Variants in NRXN3 observed in about 807,000 individuals in gnomAD.
The protein encoded by NRXN3 is neurexin 3, also known as neurexin III.
A neutral mutation model predicts 137.6 loss-of-function variants in NRXN3; 32 were observed. The observed-to-expected ratio is 0.23, with a 90% CI of 0.18 to 0.31. The LOEUF is 0.31. Ranked by LOEUF, NRXN3 falls within the 10% of genes least tolerant of loss-of-function variation. The probability of loss-of-function intolerance (pLI) is 1.00; values close to 1 mark genes in which losing one functional copy is unlikely to be tolerated. For synonymous variants in NRXN3, 798 were observed against 784.5 expected (o/e 1.02, Z -0.29); for missense variants, 1,574 against 2,062.5 (o/e 0.76, Z 4.59).
At chr14:78,376,003 T>TACACACACACACACACAC (rs10623539) in intron 4 of NRXN3, among the ~76,000 whole-genome samples, 60 of 146,828 alleles carry the variant, frequency 4.1e-4, no homozygotes, top group Middle Eastern at 3.5e-3. Context: ...TCCTCCTTGA[T>TACACACACACACACACAC]ACACACACAC....
At chr14:79,633,142 T>C (rs2098373588) in intron 16 of NRXN3, 1 of 152,164 alleles carries the variant, frequency 6.6e-6, no homozygotes, top group Non-Finnish European at 1.5e-5. Flanking sequence ...GTACCTGCCT[T>C]CCCGTGGTAT....
intron 15 of NRXN3, among the ~76,000 whole-genome samples, chr14:79,458,483 G>A (rs1437548526): frequency 2.6e-5 from 4 of 152,240 alleles, no homozygotes; most frequent in South Asian, 4.1e-4. Context: ...GAATGGCAAC[G>A]TGAAGATATG....
intron 15 of NRXN3, among the ~76,000 whole-genome samples, chr14:79,458,689 C>T (rs150317267): frequency 1.3e-5 from 2 of 152,086 alleles, no homozygotes; most frequent in African/African-American, 4.8e-5. Context: ...GTGCAATTTC[C>T]TAGAACTTAT....
At chr14:79,138,542 C>A (rs1046963845) in intron 15 of NRXN3, among the ~76,000 whole-genome samples, 1 of 152,178 alleles carries the variant, frequency 6.6e-6, no homozygotes, top group Non-Finnish European at 1.5e-5. Flanking sequence ...TAGGGGATAG[C>A]AGAAGTGTGA....
In NRXN3 at chr14:78,191,281, G is replaced by A. The variant is rs115305588; in HGVS notation, c.-704+20607G>A. Among the ~76,000 whole-genome samples, 296 of 152,284 alleles carry A rather than the reference G, an allele frequency of 1.9e-3. 1 individual carries two copies. The highest frequency in any genetic ancestry group is 6.8e-3 in the African/African-American group (282 of 41,550). On this transcript the variant is annotated intron_variant, in intron 1 of 20. Coordinates refer to ENST00000335750, the MANE Select transcript of NRXN3 (RefSeq NM_001330195.2). ...CATTGCCTTCTCATGGTGATCTTGT[G>A]AGGTGGACTTCATGGGTTGCATTTT...
chr14:79,301,542 G>A (rs1279117192), intron 15 of NRXN3, among the ~76,000 whole-genome samples: 1 of 151,954 alleles, frequency 6.6e-6, no homozygotes, highest in Non-Finnish European at 1.5e-5. Context: ...GAACACAATG[G>A]TCCTTGTGTG....
At chr14:78,404,984 A>G (rs867334200) in intron 4 of NRXN3, among the ~76,000 whole-genome samples, 1 of 152,182 alleles carries the variant, frequency 6.6e-6, no homozygotes, top group African/African-American at 2.4e-5. Flanking sequence ...CAGGCAGCTT[A>G]TGGGACAAGT....
chr14:78,456,195 T>C (rs985868290), intron 4 of NRXN3, among the ~76,000 whole-genome samples: 1 of 152,170 alleles, frequency 6.6e-6, no homozygotes, highest in Non-Finnish European at 1.5e-5. Flanking sequence ...CCTACGACAG[T>C]TTTTACTTGT....
intron 19 of NRXN3, among the ~76,000 whole-genome samples, chr14:79,733,273 C>A (rs1603451928): frequency 1.3e-5 from 2 of 152,282 alleles, no homozygotes; most frequent in Middle Eastern, 6.8e-3. Context: ...AAAATAAAAT[C>A]TGCCTACCAT....
intron 15 of NRXN3, among the ~76,000 whole-genome samples, chr14:79,414,727 T>A (rs2095471645): frequency 1.3e-5 from 2 of 152,070 alleles, no homozygotes; most frequent in African/African-American, 4.8e-5. Context: ...TTAAGAATAT[T>A]TCAGGTTCAC....
chr14:79,576,674 G>A (rs1049479866), intron 16 of NRXN3, among the ~76,000 whole-genome samples: 15 of 151,940 alleles, frequency 9.9e-5, no homozygotes, highest in African/African-American at 7.3e-5. Flanking sequence ...ACCATGGATC[G>A]GATTCTGACT....
chr14:79,246,602 C>G (rs1403492022), intron 15 of NRXN3: 1 of 151,998 alleles, frequency 6.6e-6, no homozygotes, highest in Non-Finnish European at 1.5e-5. Flanking sequence ...ACATCATGGC[C>G]TTCTTTAAAT....
intron 2 of NRXN3, among the ~76,000 whole-genome samples, chr14:78,245,298 T>C (rs1263591141): frequency 6.6e-6 from 1 of 152,216 alleles, no homozygotes; most frequent in Non-Finnish European, 1.5e-5. Flanking sequence ...CACCCCAGGC[T>C]AATTAAATCA....
In NRXN3 at chr14:79,425,935, T is replaced by C. The variant is rs545003361; in HGVS notation, c.3263-41286T>C. ...AATTTGTATGTTCTGTAGAGGAAGA[T>C]TGAAAAGAGAAATGGATAGAAAGAG... is the stretch of plus-strand genomic sequence containing the variant. On this transcript the variant is annotated intron_variant, in intron 15 of 20. Coordinates refer to ENST00000335750, the MANE Select transcript of NRXN3 (RefSeq NM_001330195.2). 2.0e-3 allele frequency among the ~76,000 whole-genome samples: 302 copies of C among 151,138 alleles called. 8 individuals carry two copies. Among genetic ancestry groups the C allele is most frequent in the Middle Eastern group, 3.4e-3 (1 of 294 alleles).
chr14:78,969,245 T>G (rs2099429577), intron 14 of NRXN3, among the ~76,000 whole-genome samples: 1 of 152,202 alleles, frequency 6.6e-6, no homozygotes, highest in Non-Finnish European at 1.5e-5. Context: ...CTTGAGATAC[T>G]AAATGAATTT....
At chr14:79,615,540 T>G (rs1176880671) in intron 16 of NRXN3, among the ~76,000 whole-genome samples, 3 of 152,188 alleles carry the variant, frequency 2.0e-5, no homozygotes, top group African/African-American at 7.2e-5. Flanking sequence ...TGTCCAAGAC[T>G]GGGTAATTTA....
At chr14:78,293,581 C>A (rs2153520885) in intron 3 of NRXN3, among the ~76,000 whole-genome samples, 1 of 152,282 alleles carries the variant, frequency 6.6e-6, no homozygotes, top group East Asian at 1.9e-4. Flanking sequence ...TTCCCACTGC[C>A]ATGATACTAA....
At chr14:78,787,969 C>T (rs2098794034) in intron 8 of NRXN3, among the ~76,000 whole-genome samples, 1 of 152,114 alleles carries the variant, frequency 6.6e-6, no homozygotes, top group South Asian at 2.1e-4. Context: ...GGAAGACTAA[C>T]AAAGAATTGT....
chr14:78,919,251 T>C (rs1182877898), intron 10 of NRXN3, among the ~76,000 whole-genome samples: 1 of 152,238 alleles, frequency 6.6e-6, no homozygotes, highest in Non-Finnish European at 1.5e-5. Flanking sequence ...AATTGGCTAA[T>C]TACCTGAGTA....
Sources: gnomAD v4.1 joint callset for allele counts (sites outside exome capture counted in the v4.1 genomes callset) on GRCh38, gnomAD v4.1.1 for gene constraint, MANE v1.5 for transcripts, NCBI Gene and HGNC (gene_info 2026-07-23, HGNC 2026-07-21) for gene names.